The following JUP variants were observed in gnomAD, a reference collection of about 807,000 sequenced individuals.
The protein encoded by JUP is junction plakoglobin.
A neutral mutation model predicts 71.1 loss-of-function variants in JUP; 28 were observed. The ratio of observed to expected loss-of-function variants is 0.39; its 90% CI spans 0.29 to 0.54. JUP has a LOEUF of 0.54. Among genes scored for constraint, JUP ranks in the 20% least tolerant of loss-of-function variants. The pLI is 0.62. For missense variants in JUP, 869 were observed against 1,030.1 expected (o/e 0.84, Z 2.14); for synonymous variants, 401 against 438.9 (o/e 0.91, Z 1.08).
intron 1 of JUP, among the ~76,000 whole-genome samples, chr17:41,783,893 CAAAAAAAAAAAAAA>C (rs35672991): frequency 1.2e-5 from 1 of 81,998 alleles, no homozygotes; most frequent in African/African-American, 5.0e-5. Flanking sequence ...GACTCCATCT[CAAAAAAAAAAAAAA>C]AAAAAAAAAA....
intron 8 of JUP, among the ~76,000 whole-genome samples, chr17:41,760,538 G>A (rs782465969): frequency 8.6e-5 from 13 of 151,494 alleles, no homozygotes; most frequent in African/African-American, 1.5e-4. Context: ...GATTACAGGC[G>A]TGAGCCACCA....
At chr17:41,770,522 G>A (rs1555606406) in intron 2 of JUP, among the ~76,000 whole-genome samples, 2 of 152,164 alleles carry the variant, frequency 1.3e-5, no homozygotes, top group African/African-American at 4.8e-5. Flanking sequence ...GGCCCTGCCA[G>A]CCAAAAGGCC....
intron 1 of JUP, chr17:41,785,109 T>C (rs2047384948): frequency 6.6e-6 from 1 of 151,990 alleles, no homozygotes; most frequent in Non-Finnish European, 1.5e-5. Flanking sequence ...TCAAATTCTT[T>C]CAGGAAAGCG....
intron 8 of JUP, 56 bp from the exon 9 acceptor site, chr17:41,758,926 A>G: frequency 1.3e-6 from 2 of 1,531,314 alleles, no homozygotes; most frequent in Non-Finnish European, 1.8e-6. Context: ...GAAGGATCCC[A>G]GCTTCCCAGC....
intron 8 of JUP, among the ~76,000 whole-genome samples, chr17:41,760,188 A>T (rs1555600473): frequency 6.6e-6 from 1 of 151,894 alleles, no homozygotes; most frequent in East Asian, 1.9e-4. Context: ...AATAAAAAAT[A>T]ATAATTCAAT....
intron 7 of JUP, 27 bp downstream of exon 7, chr17:41,764,686 A>C: frequency 1.3e-6 from 2 of 1,597,414 alleles, no homozygotes; most frequent in Non-Finnish European, 1.7e-6. Flanking sequence ...TGAAGAGGTC[A>C]ACCCCAGGCC....
intron 1 of JUP, among the ~76,000 whole-genome samples, chr17:41,785,669 C>G (rs1374856113): frequency 6.6e-6 from 1 of 152,242 alleles, no homozygotes; most frequent in Non-Finnish European, 1.5e-5. Flanking sequence ...TGAATACTTC[C>G]TCCTGCAAAG....
chr17:41,764,774 G>A lies in JUP; in HGVS notation c.1097C>T (p.Pro366Leu), dbSNP rs1159377909. 4 of 1,613,560 alleles carry A rather than the reference G, an allele frequency of 2.5e-6. No homozygotes were observed. Among genetic ancestry groups the A allele is most frequent in the Non-Finnish European group, 3.4e-6 (4 of 1,179,996 alleles). Reference protein sequence around the residue: ...ALGKHLTSNSPRLVQNCLWTL... With the variant: ...ALGKHLTSNSLRLVQNCLWTL... ...CCACAGGCAGTTCTGCACCAGGCGG[G>A]GGCTGTTGCTGGTCAGGTGCTTGCC... is the stretch of plus-strand genomic sequence containing the variant. The change falls in exon 7 of 14, where the codon CCC becomes CTC. Residue 366 changes from proline (P) to leucine (L), a missense_variant. Pro to Leu is a moderately conservative substitution (Grantham distance 98). Transcript: ENST00000393931.
chr17:41,762,176 A>AGAGTGTGT (rs1914988239), intron 8 of JUP, among the ~76,000 whole-genome samples: 3 of 44,804 alleles, frequency 6.7e-5, no homozygotes, highest in African/African-American at 3.2e-4. Flanking sequence ...AGAGAGAGAG[A>AGAGTGTGT]GTGTGTGTGT....
At position 41,764,797 on chromosome 17, in the gene JUP, G is replaced by A. The variant is rs1174872381; in HGVS notation, c.1074C>T (p.Gly358=). ...GGGGGCTGTTGCTGGTCAGGTGCTT[G>A]CCCAGGGCCTGCATCCCACCTGGGG... is the stretch of plus-strand genomic sequence containing the variant. ...IVEAGGMQAL[G]KHLTSNSPRL... The change falls in exon 7 of 14, where the codon GGC becomes GGT. Residue 358 remains glycine, a synonymous_variant. Coordinates refer to ENST00000393931, the MANE Select transcript of JUP (RefSeq NM_002230.4). 1 of 1,613,784 alleles carries A rather than the reference G, an allele frequency of 6.2e-7. No homozygotes were observed. The highest frequency in any genetic ancestry group is 8.5e-7 in the Non-Finnish European group (1 of 1,179,960).
chr17:41,772,674 T>A, intron 1 of JUP: 1 of 406,774 alleles, frequency 2.5e-6, no homozygotes, highest in Non-Finnish European at 3.3e-6. Flanking sequence ...ACGGCCATTA[T>A]CATCAGCACT....
At chr17:41,762,233 T>G (rs568267331) in intron 8 of JUP, among the ~76,000 whole-genome samples, 1 of 150,414 alleles carries the variant, frequency 6.6e-6, no homozygotes, top group South Asian at 2.1e-4. Flanking sequence ...GTTTGGGCTT[T>G]TTTTTTTTTC....
rs373762474 is a variant in JUP, at chr17:41,756,265, G to T, written c.2047-51C>A. 17 of 1,570,964 alleles carry T rather than the reference G, an allele frequency of 1.1e-5. No homozygotes were observed. The African/African-American group carries it at 2.2e-4, about 20-fold the overall frequency. On this transcript the variant is annotated intron_variant, in intron 12 of 13. Coordinates refer to ENST00000393931, the MANE Select transcript of JUP (RefSeq NM_002230.4). Reference sequence around the variant, plus strand: ...GGGGAGGTTTGAAAATGCAGGCTCCGAGCTGGATCTCAGCTGGTGGGCAGG... The same window carrying T: ...GGGGAGGTTTGAAAATGCAGGCTCCTAGCTGGATCTCAGCTGGTGGGCAGG...
intron 1 of JUP, chr17:41,776,027 G>A (rs2046869260): frequency 2.3e-5 from 23 of 983,446 alleles, no homozygotes; most frequent in Non-Finnish European, 2.5e-5. Context: ...AGTCAGCAAT[G>A]GGCACATCTA....
intron 12 of JUP, among the ~76,000 whole-genome samples, chr17:41,756,442 CA>C (rs1247532981): frequency 1.3e-5 from 2 of 151,114 alleles, no homozygotes; most frequent in Non-Finnish European, 3.0e-5. Context: ...ACTAAAAATA[CA>C]AAAAAAATTA....
At chr17:41,779,632 GT>G (rs562293173) in intron 1 of JUP, among the ~76,000 whole-genome samples, 2 of 151,360 alleles carry the variant, frequency 1.3e-5, no homozygotes, top group East Asian at 1.9e-4. Flanking sequence ...CTGGCCCCCA[GT>G]TTTTTTTACA....
At chr17:41,756,470 C>T (rs753213852) in intron 12 of JUP, among the ~76,000 whole-genome samples, 8 of 151,992 alleles carry the variant, frequency 5.3e-5, no homozygotes, top group African/African-American at 1.7e-4. Flanking sequence ...CGTGGTGGTG[C>T]AGGCCTGTAA....
chr17:41,762,391 GT>G, intron 8 of JUP, among the ~76,000 whole-genome samples: 1 of 151,666 alleles, frequency 6.6e-6, no homozygotes, highest in East Asian at 1.9e-4. Flanking sequence ...CCAGCCTCCT[GT>G]TTTTCTTTTC....
At chr17:41,778,014 G>A (rs376672504) in intron 1 of JUP, among the ~76,000 whole-genome samples, 263 of 152,316 alleles carry the variant, frequency 1.7e-3, no homozygotes, top group African/African-American at 5.6e-3. Flanking sequence ...AAAGGTTGAC[G>A]TGTGTTGGTG....
Sources: allele counts gnomAD v4.1 joint callset (sites outside exome capture counted in the v4.1 genomes callset), GRCh38; gene constraint gnomAD v4.1.1; transcripts MANE v1.5; gene names NCBI Gene and HGNC (gene_info 2026-07-23, HGNC 2026-07-21).